Variants in ITGBL1 observed in about 807,000 individuals in gnomAD.
ITGBL1 encodes the protein integrin subunit beta like 1.
Under a neutral mutation model 68.5 loss-of-function variants are expected in ITGBL1, and 51 were observed. The ratio of observed to expected loss-of-function variants is 0.74; its 90% CI spans 0.59 to 0.94. ITGBL1 has a LOEUF of 0.94. Among genes scored for constraint, ITGBL1 ranks in the 40% least tolerant of loss-of-function variants. The pLI is 0.00. For synonymous variants in ITGBL1, 209 were observed against 227.3 expected, an observed-to-expected ratio of 0.92 and a Z score of 0.72; for missense variants, 649 against 647.4, an observed-to-expected ratio of 1.00 and a Z score of -0.03.
At chr13:101,539,955 C>A in intron 2 of ITGBL1, among the ~76,000 whole-genome samples, 1 of 152,048 alleles carries the variant, frequency 6.6e-6, no homozygotes, top group Non-Finnish European at 1.5e-5. Context: ...GATATTAGCC[C>A]TTTGTCAGAT....
chr13:101,594,119 A>G (rs2050703607), intron 6 of ITGBL1, among the ~76,000 whole-genome samples: 1 of 152,148 alleles, frequency 6.6e-6, no homozygotes, highest in Non-Finnish European at 1.5e-5. Context: ...TATACCCCAA[A>G]TAACTAAAGC....
At chr13:101,542,564 T>C (rs1340522347) in intron 2 of ITGBL1, among the ~76,000 whole-genome samples, 1 of 152,202 alleles carries the variant, frequency 6.6e-6, no homozygotes, top group Non-Finnish European at 1.5e-5. Flanking sequence ...TGTAGATGTC[T>C]ATTAGGTCTG....
At chr13:101,532,492 T>C (rs944252384) in intron 2 of ITGBL1, among the ~76,000 whole-genome samples, 3 of 152,254 alleles carry the variant, frequency 2.0e-5, no homozygotes, top group Non-Finnish European at 4.4e-5. Context: ...CTTCCTAGAA[T>C]GTAAGTTCCA....
At chr13:101,565,946 A>G (rs1242477396) in intron 2 of ITGBL1, among the ~76,000 whole-genome samples, 1 of 151,956 alleles carries the variant, frequency 6.6e-6, no homozygotes, top group East Asian at 1.9e-4. Flanking sequence ...TCTATTTTTA[A>G]CCATCTCACC....
At chr13:101,470,914 T>C (rs2048448219) in intron 2 of ITGBL1, among the ~76,000 whole-genome samples, 1 of 56,946 alleles carries the variant, frequency 1.8e-5, no homozygotes, top group Non-Finnish European at 3.8e-5. Context: ...ACAAATATCA[T>C]CTTACCATTC....
At chr13:101,523,610 G>A (rs995309025) in intron 2 of ITGBL1, among the ~76,000 whole-genome samples, 2 of 152,106 alleles carry the variant, frequency 1.3e-5, no homozygotes, top group African/African-American at 2.4e-5. Flanking sequence ...CTTCCAAAAC[G>A]TCAAAACTAA....
At chr13:101,461,653 C>G (rs958864639) in intron 2 of ITGBL1, among the ~76,000 whole-genome samples, 1 of 152,070 alleles carries the variant, frequency 6.6e-6, no homozygotes, top group Non-Finnish European at 1.5e-5. Context: ...TATGATCAGG[C>G]CACTGCACTC....
At position 101,587,110 on chromosome 13, in the gene ITGBL1, C is replaced by T. The variant is rs78207295; in HGVS notation, c.868+3754C>T. ...TTTAAGTCCAAGGGAAGTCTCTGGA[C>T]GGATTAGTTTAAGTTAGCTCTTTTA... On this transcript the variant is annotated intron_variant, in intron 6 of 10. Transcript: ENST00000376180. 9.3e-3 allele frequency among the ~76,000 whole-genome samples: 1,417 copies of T among 152,142 alleles called. 23 individuals carry two copies. Among genetic ancestry groups the T allele is most frequent in the African/African-American group, 0.032 (1,310 of 41,490 alleles).
intron 2 of ITGBL1, among the ~76,000 whole-genome samples, chr13:101,494,925 A>G (rs903056556): frequency 6.6e-6 from 1 of 152,198 alleles, no homozygotes; most frequent in Non-Finnish European, 1.5e-5. Context: ...ACAACACACC[A>G]TGATTACAGT....
chr13:101,500,636 T>C (rs1274723589), intron 2 of ITGBL1, among the ~76,000 whole-genome samples: 1 of 152,222 alleles, frequency 6.6e-6, no homozygotes, highest in Non-Finnish European at 1.5e-5. Flanking sequence ...CCTTCTCTGA[T>C]ATTGGGTTGG....
At chr13:101,535,399 C>T (rs1407869917) in intron 2 of ITGBL1, among the ~76,000 whole-genome samples, 1 of 151,982 alleles carries the variant, frequency 6.6e-6, no homozygotes, top group African/African-American at 2.4e-5. Flanking sequence ...AATGCTAGAC[C>T]TTATAGTTAG....
At chr13:101,578,574 A>C (rs1451468650) in intron 4 of ITGBL1, among the ~76,000 whole-genome samples, 1 of 152,180 alleles carries the variant, frequency 6.6e-6, no homozygotes, top group Non-Finnish European at 1.5e-5. Context: ...AGGCAAGTGC[A>C]GATGAGCAGG....
At chr13:101,714,650 C>A in intron 10 of ITGBL1, 99 bp downstream of exon 10, 1 of 745,818 alleles carries the variant, frequency 1.3e-6, no homozygotes, top group South Asian at 1.6e-5. Context: ...ACCAACAGGG[C>A]CAACCGTGAA....
chr13:101,499,522 T>G (rs2048908094), intron 2 of ITGBL1, among the ~76,000 whole-genome samples: 1 of 152,222 alleles, frequency 6.6e-6, no homozygotes, highest in South Asian at 2.1e-4. Context: ...CTCCTTAAGT[T>G]CGTTTCTCCC....
At chr13:101,604,885 T>TACACAC (rs1449617732) in intron 7 of ITGBL1, among the ~76,000 whole-genome samples, 102 of 11,906 alleles carry the variant, frequency 8.6e-3, no homozygotes, top group East Asian at 0.019. Flanking sequence ...TATATATATA[T>TACACAC]ATACACACAC....
chr13:101,534,986 T>TGCTCATGCTTAAG (rs1471063288), intron 2 of ITGBL1, among the ~76,000 whole-genome samples: 4 of 152,162 alleles, frequency 2.6e-5, no homozygotes, highest in African/African-American at 9.7e-5. Flanking sequence ...GTGACCACCA[T>TGCTCATGCTTAAG]GCTTATGGCC....
intron 7 of ITGBL1, among the ~76,000 whole-genome samples, chr13:101,621,026 G>A (rs1594935870): frequency 6.6e-6 from 1 of 152,140 alleles, no homozygotes; most frequent in East Asian, 1.9e-4. Context: ...AGATGGAGCA[G>A]GTGCTGTGAT....
intron 7 of ITGBL1, among the ~76,000 whole-genome samples, chr13:101,634,943 T>C (rs1027972647): frequency 8.7e-6 from 1 of 114,870 alleles, no homozygotes; most frequent in Non-Finnish European, 1.8e-5. Context: ...AAGCAAAAGG[T>C]GTGTGTGTGT....
At position 101,639,958 on chromosome 13, in the gene ITGBL1, T is replaced by A. The variant is rs530121705; in HGVS notation, c.1015+41659T>A. On this transcript the variant is annotated intron_variant, in intron 7 of 10. Coordinates refer to ENST00000376180, the MANE Select transcript of ITGBL1 (RefSeq NM_004791.3). The stretch of plus-strand genomic sequence containing the variant: ...CCATGAAAGTTAAATACTATTTTTA[T>A]CCATTCAGCTGGGTTTTAAATACAG... 3.3e-5 allele frequency among the ~76,000 whole-genome samples: 5 copies of A among 152,320 alleles called. No homozygotes were observed. The East Asian group carries it at 9.6e-4, about 29-fold the overall frequency.
Sources: gnomAD v4.1 joint callset for allele counts (sites outside exome capture counted in the v4.1 genomes callset) on GRCh38, gnomAD v4.1.1 for gene constraint, MANE v1.5 for transcripts, NCBI Gene and HGNC (gene_info 2026-07-23, HGNC 2026-07-21) for gene names.